The following SESTD1 variants were observed in gnomAD, a reference collection of about 807,000 sequenced individuals.
SESTD1 encodes SEC14 and spectrin domain containing 1, also known as SEC14 domain and spectrin repeat-containing protein 1.
In SESTD1, 43 loss-of-function variants were observed where a neutral mutation model predicts 101.7. That is an observed-to-expected ratio of 0.42 (90% CI 0.33 to 0.55). SESTD1 has a LOEUF of 0.55. Ranked by LOEUF, SESTD1 falls within the 20% of genes least tolerant of loss-of-function variation. The probability of loss-of-function intolerance (pLI) is 0.07; values close to 1 mark genes in which losing one functional copy is unlikely to be tolerated. For missense variants in SESTD1, 647 were observed against 815.1 expected (o/e 0.79, Z 2.51); for synonymous variants, 283 against 286.8 (o/e 0.99, Z 0.13).
intron 3 of SESTD1, among the ~76,000 whole-genome samples, chr2:179,182,026 A>G (rs933177404): frequency 1.3e-5 from 2 of 151,710 alleles, no homozygotes; most frequent in African/African-American, 4.8e-5. Flanking sequence ...GAATCATTAA[A>G]TTATAGAACA....
chr2:179,147,518 C>T (rs539189740), intron 7 of SESTD1, among the ~76,000 whole-genome samples: 4 of 152,118 alleles, frequency 2.6e-5, no homozygotes, highest in South Asian at 4.2e-4. Context: ...CGTGCCACCA[C>T]GCCTGGCTAA....
chr2:179,132,484 A>T, intron 9 of SESTD1, 58 bp from the exon 10 acceptor site: 2 of 1,523,370 alleles, frequency 1.3e-6, no homozygotes, highest in Middle Eastern at 2.0e-4. Flanking sequence ...TCAAACTTTC[A>T]TTCTAACTTA....
intron 1 of SESTD1, among the ~76,000 whole-genome samples, chr2:179,263,435 T>C (rs1005671030): frequency 2.6e-5 from 4 of 152,096 alleles, no homozygotes; most frequent in Admixed American, 6.6e-5. Context: ...AAAAAGTATA[T>C]AGATATATGT....
chr2:179,196,175 T>G (rs1440635368), intron 1 of SESTD1, among the ~76,000 whole-genome samples: 2 of 152,330 alleles, frequency 1.3e-5, no homozygotes, highest in East Asian at 1.9e-4. Context: ...TTCCCTTTCC[T>G]AGTCAAAGAA....
At chr2:179,246,053 G>A (rs904394841) in intron 1 of SESTD1, among the ~76,000 whole-genome samples, 5 of 152,026 alleles carry the variant, frequency 3.3e-5, no homozygotes, top group African/African-American at 4.8e-5. Flanking sequence ...TCAGGAGTTC[G>A]AGACCAGCCT....
chr2:179,226,716 A>G (rs1210825350), intron 1 of SESTD1, among the ~76,000 whole-genome samples: 2 of 152,222 alleles, frequency 1.3e-5, no homozygotes, highest in African/African-American at 4.8e-5. Context: ...ATTTAATAAC[A>G]ATCTATTTTA....
At chr2:179,218,712 T>C (rs1197697125) in intron 1 of SESTD1, among the ~76,000 whole-genome samples, 1 of 152,230 alleles carries the variant, frequency 6.6e-6, no homozygotes, top group Non-Finnish European at 1.5e-5. Flanking sequence ...AGTTTAACTA[T>C]CTTTCCCAGT....
chr2:179,242,017 G>C (rs1446962906), intron 1 of SESTD1, among the ~76,000 whole-genome samples: 2 of 151,556 alleles, frequency 1.3e-5, no homozygotes, highest in East Asian at 3.9e-4. Context: ...TGTAAGAAAA[G>C]AAGTCAAATT....
At chr2:179,185,135 A>G (rs1316738873) in intron 2 of SESTD1, among the ~76,000 whole-genome samples, 1 of 151,946 alleles carries the variant, frequency 6.6e-6, no homozygotes, top group African/African-American at 2.4e-5. Flanking sequence ...CTTGGAGGGC[A>G]ATCTGACAAA....
At chr2:179,258,433 A>G (rs927089839) in intron 1 of SESTD1, among the ~76,000 whole-genome samples, 5 of 152,262 alleles carry the variant, frequency 3.3e-5, no homozygotes, top group Non-Finnish European at 7.3e-5. Flanking sequence ...AATGAAACTC[A>G]TAAGCAAAAG....
intron 2 of SESTD1, among the ~76,000 whole-genome samples, chr2:179,186,195 A>G (rs957607872): frequency 4.0e-5 from 6 of 151,842 alleles, no homozygotes; most frequent in Admixed American, 2.0e-4. Flanking sequence ...TAATAGAGAA[A>G]GCAAGATAAT....
intron 1 of SESTD1, among the ~76,000 whole-genome samples, chr2:179,233,110 A>G (rs889501712): frequency 1.3e-5 from 2 of 152,210 alleles, no homozygotes; most frequent in African/African-American, 4.8e-5. Context: ...GGTATTTCAA[A>G]TGACTCAGGG....
At chr2:179,179,388 T>C (rs1345674173) in intron 3 of SESTD1, among the ~76,000 whole-genome samples, 2 of 152,190 alleles carry the variant, frequency 1.3e-5, no homozygotes, top group African/African-American at 4.8e-5. Flanking sequence ...AAAACAGCTA[T>C]GTAAACGTGA....
rs1265298070 is a variant in SESTD1, at chr2:179,231,734, T to A, written c.-26+32765A>T. Among the ~76,000 whole-genome samples the A allele has an allele frequency of 4.5e-4, 62 of 138,292 alleles. 1 individual carries two copies. Among genetic ancestry groups the A allele is most frequent in the Middle Eastern group, 4.0e-3 (1 of 250 alleles). 90.7% of individuals were successfully genotyped at this position (138,292 alleles called of 152,430 possible). On this transcript the variant is annotated intron_variant, in intron 1 of 17. Coordinates refer to ENST00000428443, the MANE Select transcript of SESTD1 (RefSeq NM_178123.5). ...CCAAAAAGCTAAAAAAAAAAAAAAA[T>A]TTAAAAAATTTAAAAAAAAAGGGAT...
At chr2:179,156,040 T>C (rs2105456026) in intron 5 of SESTD1, among the ~76,000 whole-genome samples, 1 of 152,266 alleles carries the variant, frequency 6.6e-6, no homozygotes, top group Admixed American at 6.5e-5. Flanking sequence ...GTCTCCAATT[T>C]CATGCAGGTC....
chr2:179,168,421 A>G (rs1210799257), intron 5 of SESTD1, among the ~76,000 whole-genome samples: 1 of 152,218 alleles, frequency 6.6e-6, no homozygotes, highest in Admixed American at 6.5e-5. Flanking sequence ...AAGTTCTTAG[A>G]AAGTCAAAAG....
At chr2:179,198,327 G>GA (rs1444324490) in intron 1 of SESTD1, among the ~76,000 whole-genome samples, 3 of 152,118 alleles carry the variant, frequency 2.0e-5, no homozygotes, top group African/African-American at 4.8e-5. Context: ...GACCTACAAA[G>GA]AGACTTAGAC....
chr2:179,132,384 C>G lies in SESTD1; in HGVS notation c.892G>C (p.Ala298Pro). Residue 298 changes from alanine to proline, a missense_variant, in exon 10 of 18, where the codon GCC becomes CCC. By Grantham distance (27) the Ala-to-Pro change is conservative (BLOSUM62 -1). This residue lies in a region of SESTD1 where 476 missense variants were observed against 562.6 expected (regional missense o/e 0.85). Coordinates refer to ENST00000428443, the MANE Select transcript of SESTD1 (RefSeq NM_178123.5). ...ATGGAGTCTCCAATGCCCCACTGGG[C>G]TCTTAGTTGTTCTGATCCAGGCCCT... ...LEGPGSEQLR[A>P]QWGIGDSIRA... 1.9e-6 allele frequency: 3 copies of G among 1,565,092 alleles called. No individual in the cohort carries two copies. Among genetic ancestry groups the G allele is most frequent in the Non-Finnish European group, 2.6e-6 (3 of 1,164,404 alleles).
intron 1 of SESTD1, among the ~76,000 whole-genome samples, chr2:179,193,614 C>G (rs893529429): frequency 6.6e-6 from 1 of 152,198 alleles, no homozygotes; most frequent in African/African-American, 2.4e-5. Flanking sequence ...AAACTATGCA[C>G]TGTTTTAAAC....
Sources: gnomAD v4.1 joint callset for allele counts (sites outside exome capture counted in the v4.1 genomes callset) on GRCh38, gnomAD v4.1.1 for gene constraint, gnomAD v4.1.1 regional missense constraint, MANE v1.5 for transcripts, NCBI Gene and HGNC (gene_info 2026-07-23, HGNC 2026-07-21) for gene names.